The following NSFL1C variants were observed in gnomAD, a reference collection of about 807,000 sequenced individuals.
NSFL1C encodes the protein NSFL1 cofactor p47.
A neutral mutation model predicts 43.1 loss-of-function variants in NSFL1C; 14 were observed. The observed-to-expected ratio is 0.32, with a 90% CI of 0.21 to 0.51. The LOEUF is 0.51. Among genes scored for constraint, NSFL1C ranks in the 20% least tolerant of loss-of-function variants. The pLI is 0.98. For synonymous variants in NSFL1C, 171 were observed against 183.5 expected, an observed-to-expected ratio of 0.93 and a Z score of 0.55; for missense variants, 406 against 472.5, an observed-to-expected ratio of 0.86 and a Z score of 1.30.
chr20:1,455,305 C>G (rs555082798), intron 3 of NSFL1C, among the ~76,000 whole-genome samples, 173 bp from the exon 4 acceptor site: 8 of 152,330 alleles, frequency 5.3e-5, no homozygotes, highest in African/African-American at 1.9e-4. Flanking sequence ...GCAGTGTGAG[C>G]AGCAACAGAA....
At chr20:1,452,781 C>G in intron 6 of NSFL1C, 151 bp from the exon 7 acceptor site, 2 of 987,798 alleles carry the variant, frequency 2.0e-6, no homozygotes, top group Non-Finnish European at 3.0e-6. Flanking sequence ...CTGTCTGCCT[C>G]CACCTTTTCT....
chr20:1,463,530 T>C (rs1283812495), intron 2 of NSFL1C: 1 of 152,240 alleles, frequency 6.6e-6, no homozygotes, highest in East Asian at 1.9e-4. Flanking sequence ...TAAACCTCAG[T>C]TGCCTTTAGA....
rs148537134 is a variant in NSFL1C, at chr20:1,453,129, T to A, written c.549A>T (p.Val183=). 2 of 1,595,940 alleles carry A rather than the reference T, an allele frequency of 1.3e-6. No individual in the cohort carries two copies. Among genetic ancestry groups the A allele is most frequent in the African/African-American group, 1.3e-5 (1 of 74,638 alleles). The part of the protein sequence containing the change: ...RQHSSQDVHV[V]LKLWKSGFSL... The stretch of plus-strand genomic sequence containing the variant: ...TGAATCCACTCTTCCAGAGTTTCAA[T>A]ACTACATGAACCTGTGATGACAGGG... Residue 183 remains valine, a synonymous_variant, in exon 6 of 9, where the codon GTA becomes GTT. Coordinates refer to ENST00000216879, the MANE Select transcript of NSFL1C (RefSeq NM_016143.5).
intron 3 of NSFL1C, chr20:1,456,950 A>T (rs1250975163): frequency 6.6e-6 from 1 of 152,266 alleles, no homozygotes; most frequent in Non-Finnish European, 1.5e-5. Flanking sequence ...GAGATGTAGC[A>T]TTGATCCAGC....
rs1338104454 is a variant in NSFL1C at position 1,445,759 on chromosome 20, G to C, written c.857C>G (p.Ser286Cys). The C allele has an allele frequency of 4.3e-6, 7 of 1,614,034 alleles. No individual in the cohort carries two copies. In the South Asian group the frequency reaches 7.7e-5, roughly 18 times the overall value. The change falls in exon 8 of 9, where the codon TCC becomes TGC. Residue 286 changes from serine (S) to cysteine (C), a missense_variant. Physicochemically the swap from Ser to Cys is moderately radical, Grantham distance 112 (BLOSUM62 -1). This residue lies in a region of NSFL1C where 196 missense variants were observed against 228.0 expected (regional missense o/e 0.86). Coordinates refer to ENST00000216879, the MANE Select transcript of NSFL1C (RefSeq NM_016143.5). ...QAENEAKASS[S>C]ILIDESEPTT... ...AGGCTCTGATTCGTCGATTAAGATG[G>C]AAGAGCTGGCTTTGGCTTCATTTTC...
At position 1,466,840 on chromosome 20, in the gene NSFL1C, C is replaced by T. The variant is rs929761303; in HGVS notation, c.-16G>A. The T allele has an allele frequency of 1.3e-6, 2 of 1,521,294 alleles. No homozygotes were observed. Among genetic ancestry groups the T allele is most frequent in the Non-Finnish European group, 1.8e-6 (2 of 1,137,174 alleles). 94.2% of individuals were successfully genotyped at this position (1,521,294 alleles called of 1,614,324 possible). On this transcript the variant is annotated 5_prime_UTR_variant, in exon 1 of 9. Coordinates refer to ENST00000216879, the MANE Select transcript of NSFL1C (RefSeq NM_016143.5). The stretch of plus-strand genomic sequence containing the variant: ...CCGCCGCCATCTTCGCCCCGTGCGC[C>T]TTCCAAAGCGCTCCGGCGGCCGCCG...
At chr20:1,451,059 C>T (rs2090170536) in intron 7 of NSFL1C, among the ~76,000 whole-genome samples, 1 of 151,944 alleles carries the variant, frequency 6.6e-6, no homozygotes, top group Non-Finnish European at 1.5e-5. Flanking sequence ...CCTGCACTTT[C>T]TATTAAGATG....
Position 1,454,952 on chromosome 20 carries a change from G to A in NSFL1C, c.444+15C>T. ...TCTCAGTCCTGTGGGCACAGACAAT[G>A]ACCCTTATACTCACTCTCGGTTTAC... On this transcript the variant is annotated intron_variant, in intron 4 of 8. Coordinates refer to ENST00000216879, the MANE Select transcript of NSFL1C (RefSeq NM_016143.5). The A allele has an allele frequency of 6.2e-7, 1 of 1,608,154 alleles. No homozygotes were observed. Among genetic ancestry groups the A allele is most frequent in the South Asian group, 1.1e-5 (1 of 90,866 alleles).
chr20:1,464,456 C>T (rs1353138279), intron 1 of NSFL1C, 30 bp from the exon 2 acceptor site: 1 of 1,570,234 alleles, frequency 6.4e-7, no homozygotes, highest in East Asian at 2.2e-5. Context: ...CCTTGGGACC[C>T]TTAAACAGGC....
At position 1,451,899 on chromosome 20, in the gene NSFL1C, G is replaced by A. The variant is rs563469064; in HGVS notation, c.785+594C>T. Among the ~76,000 whole-genome samples the A allele has an allele frequency of 2.0e-5, 3 of 152,316 alleles. No homozygotes were observed. In the South Asian group the frequency reaches 6.2e-4, roughly 32 times the overall value. On this transcript the variant is annotated intron_variant, in intron 7 of 8. Transcript: ENST00000216879. ...AAGTGGCAGAGTGAGTGTCAGGAAG[G>A]GCCAAATAAGTAGAAATAAGAGCTG...
intron 8 of NSFL1C, among the ~76,000 whole-genome samples, chr20:1,445,035 TACAGAAAGGAGGCACCA>T (rs2090030055): frequency 1.3e-5 from 2 of 152,232 alleles, no homozygotes; most frequent in Non-Finnish European, 2.9e-5. Context: ...ACTTCTGTTC[TACAGAAAGGAGGCACCA>T]AATATATTTA....
chr20:1,456,973 A>C (rs1203976452), intron 3 of NSFL1C: 2 of 152,248 alleles, frequency 1.3e-5, no homozygotes, highest in Non-Finnish European at 1.5e-5. Context: ...AACCATATTT[A>C]TATACAGAAC....
intron 5 of NSFL1C, 141 bp from the exon 6 acceptor site, chr20:1,453,281 C>A (rs377306695): frequency 1.7e-6 from 1 of 605,442 alleles, no homozygotes. Flanking sequence ...CATGTGTGCA[C>A]AAGCAACTCA....
chr20:1,449,611 G>A (rs1294281946), intron 7 of NSFL1C, among the ~76,000 whole-genome samples: 1 of 152,184 alleles, frequency 6.6e-6, no homozygotes, highest in African/African-American at 2.4e-5. Flanking sequence ...GCAGCTGTGA[G>A]GGTGCTTGAT....
At position 1,443,598 on chromosome 20, in the gene NSFL1C, G is replaced by A. The variant is rs981737153; in HGVS notation, c.*151C>T. 19 of 643,428 alleles carry A rather than the reference G, an allele frequency of 3.0e-5. No homozygotes were observed. Among genetic ancestry groups the A allele is most frequent in the East Asian group, 1.7e-4 (6 of 35,168 alleles). 39.9% of individuals were successfully genotyped at this position (643,428 alleles called of 1,614,324 possible). Reference sequence around the variant, plus strand: ...AAATGCAACTAAGGAGAAAACAAACGTCCAACCAAGATCTAAGAACCCAGA... The same window carrying A: ...AAATGCAACTAAGGAGAAAACAAACATCCAACCAAGATCTAAGAACCCAGA... On this transcript the variant is annotated 3_prime_UTR_variant, in exon 9 of 9. Coordinates refer to ENST00000216879, the MANE Select transcript of NSFL1C (RefSeq NM_016143.5).
rs1468412078 is a variant in NSFL1C, at chr20:1,445,812, C to G, written c.804G>C (p.Leu268Phe). 8 of 1,613,918 alleles carry G rather than the reference C, an allele frequency of 5.0e-6. No individual in the cohort carries two copies. Among genetic ancestry groups the G allele is most frequent in the Non-Finnish European group, 6.8e-6 (8 of 1,180,014 alleles). ...CCTGTTGGGCTGGAGAGCTGGTACT[C>G]AACACCTGGGGGGCAGTGCTGAGGA... Reference protein sequence around the residue: ...QKLGSTAPQVLSTSSPAQQAE... With the variant: ...QKLGSTAPQVFSTSSPAQQAE... Residue 268 changes from leucine to phenylalanine, a missense_variant, in exon 8 of 9, where the codon TTG becomes TTC. Physicochemically the swap from Leu to Phe is conservative, Grantham distance 22. Around this residue, in one of 3 missense-constraint regions of NSFL1C, gnomAD observed 196 missense variants for 228.0 expected, o/e 0.86. Coordinates refer to ENST00000216879, the MANE Select transcript of NSFL1C (RefSeq NM_016143.5).
intron 6 of NSFL1C, 43 bp from the exon 7 acceptor site, chr20:1,452,673 G>C: frequency 6.2e-7 from 1 of 1,609,494 alleles, no homozygotes; most frequent in Non-Finnish European, 8.5e-7. Flanking sequence ...GAGAGAAGAT[G>C]GAAATGACAG....
At chr20:1,465,387 G>A (rs2090488636) in intron 1 of NSFL1C, among the ~76,000 whole-genome samples, 1 of 152,194 alleles carries the variant, frequency 6.6e-6, no homozygotes, top group African/African-American at 2.4e-5. Context: ...TTCCTGCCAG[G>A]CAAGTCACAT....
rs1438761547 is a variant in NSFL1C at position 1,442,819 on chromosome 20, T to G, written c.*930A>C. 6.6e-6 allele frequency: 1 copy of G among 152,268 alleles called. No homozygotes were observed. Among genetic ancestry groups the G allele is most frequent in the Non-Finnish European group, 1.5e-5 (1 of 68,046 alleles). 9.4% of individuals were successfully genotyped at this position (152,268 alleles called of 1,614,324 possible). ...TGTAGCACAGAAAACTCACCCCTTC[T>G]TCAACAGTTGATTTGATTTGCCACA... is the stretch of plus-strand genomic sequence containing the variant. On this transcript the variant is annotated 3_prime_UTR_variant, in exon 9 of 9. Transcript: ENST00000216879.
Sources: allele counts gnomAD v4.1 joint callset (sites outside exome capture counted in the v4.1 genomes callset), GRCh38; gene constraint gnomAD v4.1.1; regional missense constraint gnomAD v4.1.1; transcripts MANE v1.5; gene names NCBI Gene and HGNC (gene_info 2026-07-23, HGNC 2026-07-21).